Variants in FAM91A1 observed in about 807,000 individuals in gnomAD.
The protein encoded by FAM91A1 is protein FAM91A1.
FAM91A1 carries 41 observed loss-of-function variants against 113.5 expected under a neutral mutation model. That is an observed-to-expected ratio of 0.36 (90% CI 0.28 to 0.47). The LOEUF (loss-of-function observed/expected upper bound fraction) is 0.47, where lower values mean the gene tolerates loss of function less well. Ranked by LOEUF, FAM91A1 falls within the 20% of genes least tolerant of loss-of-function variation. The pLI is 1.00. For synonymous variants in FAM91A1, 307 were observed against 347.9 expected, an observed-to-expected ratio of 0.88 and a Z score of 1.31; for missense variants, 696 against 1,001.2, an observed-to-expected ratio of 0.70 and a Z score of 4.11.
At chr8:123,805,712 A>T (rs1364580547) in intron 19 of FAM91A1, among the ~76,000 whole-genome samples, 2 of 152,228 alleles carry the variant, frequency 1.3e-5, no homozygotes, top group African/African-American at 4.8e-5. Flanking sequence ...AGATAGTGAC[A>T]ACAGGATCTT....
chr8:123,796,063 T>C (rs191238436), intron 15 of FAM91A1, among the ~76,000 whole-genome samples: 24 of 152,340 alleles, frequency 1.6e-4, no homozygotes, highest in Non-Finnish European at 2.8e-4. Flanking sequence ...TACTGGACAG[T>C]GGTCCTGGTT....
chr8:123,801,506 A>G (rs1040013015), intron 18 of FAM91A1, among the ~76,000 whole-genome samples: 1 of 152,268 alleles, frequency 6.6e-6, no homozygotes, highest in African/African-American at 2.4e-5. Context: ...TCATCTAACA[A>G]TTGAATGTGC....
chr8:123,775,425 A>G (rs896966789), intron 3 of FAM91A1, 127 bp downstream of exon 3: 1 of 1,157,874 alleles, frequency 8.6e-7, no homozygotes, highest in Non-Finnish European at 1.2e-6. Context: ...TTATAGTGTA[A>G]AAAGGACTAT....
chr8:123,799,012 A>G (rs539396521), intron 16 of FAM91A1, among the ~76,000 whole-genome samples: 58 of 152,336 alleles, frequency 3.8e-4, no homozygotes, highest in African/African-American at 1.2e-3. Context: ...ACCTCCAGAC[A>G]TGGTAGGAAT....
At chr8:123,812,356 C>T (rs1815977382) in intron 23 of FAM91A1, among the ~76,000 whole-genome samples, 163 bp from the exon 24 acceptor site, 1 of 152,162 alleles carries the variant, frequency 6.6e-6, no homozygotes. Context: ...TAATACCTGT[C>T]ATTGATTGCT....
In FAM91A1 at chr8:123,799,588, A is replaced by G; in HGVS notation, c.1629A>G (p.Gly543=). The G allele has an allele frequency of 6.2e-7, 1 of 1,614,108 alleles. No individual in the cohort carries two copies. Among genetic ancestry groups the G allele is most frequent in the Non-Finnish European group, 8.5e-7 (1 of 1,179,984 alleles). Residue 543 remains glycine (G), a synonymous_variant, in exon 17 of 24, where the codon GGA becomes GGG. Transcript: ENST00000334705. ...WFKLYIYHVT[G]QGPPSLLLSK... ...AACTGTACATTTATCATGTCACTGG[A>G]CAAGGACCACCATCCCTTTTATTGT... is the stretch of plus-strand genomic sequence containing the variant.
intron 14 of FAM91A1, among the ~76,000 whole-genome samples, chr8:123,789,190 T>A (rs1404181750): frequency 1.3e-5 from 2 of 152,210 alleles, no homozygotes; most frequent in African/African-American, 4.8e-5. Context: ...TGAACAGCTA[T>A]GTTGAATCAC....
At chr8:123,785,147 G>T (rs753513987) in intron 10 of FAM91A1, 28 bp downstream of exon 10, 6 of 1,555,806 alleles carry the variant, frequency 3.9e-6, no homozygotes, top group Non-Finnish European at 1.7e-6. Context: ...TCATTTACTG[G>T]TGATGTGATA....
At position 123,803,913 on chromosome 8, in the gene FAM91A1, G is replaced by A. The variant is rs146960875; in HGVS notation, c.1810-1354G>A. 1.6e-3 allele frequency among the ~76,000 whole-genome samples: 238 copies of A among 152,254 alleles called. 1 individual carries two copies. In the East Asian group the frequency reaches 0.017, roughly 11 times the overall value. The stretch of plus-strand genomic sequence containing the variant: ...AAAGGGAAGAATTTGGAGATCCTCA[G>A]TATTAAATTTCTATTGTAACAGTTC... On this transcript the variant is annotated intron_variant, in intron 18 of 23. Transcript: ENST00000334705.
At chr8:123,779,586 C>T (rs1292546301) in intron 6 of FAM91A1, among the ~76,000 whole-genome samples, 1 of 152,172 alleles carries the variant, frequency 6.6e-6, no homozygotes, top group African/African-American at 2.4e-5. Flanking sequence ...GTCTAAAGTA[C>T]CTCTTAATGG....
At chr8:123,789,774 CATG>C in intron 15 of FAM91A1, 29 bp downstream of exon 15, 1 of 1,599,150 alleles carries the variant, frequency 6.3e-7, no homozygotes, top group Middle Eastern at 1.7e-4. Context: ...ATTTTGAAGA[CATG>C]ATCATATGAA....
chr8:123,778,199 T>G, intron 5 of FAM91A1, 107 bp downstream of exon 5: 1 of 756,418 alleles, frequency 1.3e-6, no homozygotes, highest in Non-Finnish European at 2.1e-6. Context: ...AAATAAAATG[T>G]ACTTAACACA....
rs1235036220 is a variant in FAM91A1 at position 123,813,122 on chromosome 8, C to T, written c.*418C>T. ...GATCAAGGGAAGAGATGGAACTCTT[C>T]CTCTGAAAAGGCTTCTTGGTACTTA... On this transcript the variant is annotated 3_prime_UTR_variant, in exon 24 of 24. Coordinates refer to ENST00000334705, the MANE Select transcript of FAM91A1 (RefSeq NM_144963.4). The T allele has an allele frequency of 6.5e-6, 1 of 153,172 alleles. No homozygotes were observed. The highest frequency in any genetic ancestry group is 1.9e-4 in the East Asian group (1 of 5,206). The allele number at this position is 153,172 out of a possible 1,614,324, so 9.5% of individuals were successfully genotyped here.
chr8:123,775,028 G>C, intron 2 of FAM91A1, 119 bp from the exon 3 acceptor site: 2 of 963,028 alleles, frequency 2.1e-6, no homozygotes, highest in East Asian at 2.8e-5. Context: ...TATTTTATTT[G>C]TTCTCTTGTA....
chr8:123,777,934 A>T lies in FAM91A1; in HGVS notation c.368-91A>T, dbSNP rs10505441. On this transcript the variant is annotated intron_variant, in intron 4 of 23. Coordinates refer to ENST00000334705, the MANE Select transcript of FAM91A1 (RefSeq NM_144963.4). ...TTTGACTAGTAATTGAAAGATGAAAATAAGCTCGGGTTTTTCCTACAATCG... is the reference window on the plus strand; with the variant it reads ...TTTGACTAGTAATTGAAAGATGAAATTAAGCTCGGGTTTTTCCTACAATCG... 4,717 of 1,097,058 alleles carry T rather than the reference A, an allele frequency of 4.3e-3. 130 individuals carry two copies. The African/African-American group carries it at 0.056, about 13-fold the overall frequency. 68.0% of individuals were successfully genotyped at this position (1,097,058 alleles called of 1,614,324 possible). A position where few individuals can be genotyped will look rare whatever the true frequency, so the allele number is the denominator to read the frequency against.
intron 23 of FAM91A1, among the ~76,000 whole-genome samples, chr8:123,811,785 G>A (rs1299077937): frequency 6.6e-6 from 1 of 152,138 alleles, no homozygotes; most frequent in Admixed American, 6.6e-5. Flanking sequence ...CCTGGGGGGA[G>A]GTCTGTGCGG....
At chr8:123,773,136 T>TA (rs1814894702) in intron 1 of FAM91A1, among the ~76,000 whole-genome samples, 1 of 152,246 alleles carries the variant, frequency 6.6e-6, no homozygotes, top group East Asian at 1.9e-4. Context: ...CTTAAAATAT[T>TA]ACCTACCAAT....
chr8:123,791,472 A>G (rs2130107295), intron 15 of FAM91A1, among the ~76,000 whole-genome samples: 2 of 152,262 alleles, frequency 1.3e-5, no homozygotes, highest in Admixed American at 1.3e-4. Flanking sequence ...TTCTCTATGA[A>G]AATAGTCCTG....
At chr8:123,770,232 T>C (rs2130027184) in intron 1 of FAM91A1, among the ~76,000 whole-genome samples, 2 of 152,352 alleles carry the variant, frequency 1.3e-5, no homozygotes, top group South Asian at 2.1e-4. Context: ...ATTACAGGCG[T>C]GAGCCACAGT....
Sources: gnomAD v4.1 joint callset for allele counts (sites outside exome capture counted in the v4.1 genomes callset) on GRCh38, gnomAD v4.1.1 for gene constraint, MANE v1.5 for transcripts, NCBI Gene and HGNC (gene_info 2026-07-23, HGNC 2026-07-21) for gene names.